The following PCDHA6 variants were observed in gnomAD, a reference collection of about 807,000 sequenced individuals.
The protein encoded by PCDHA6 is protocadherin alpha 6, also known as protocadherin alpha-6.
A neutral mutation model predicts 60.3 loss-of-function variants in PCDHA6; 55 were observed. The ratio of observed to expected loss-of-function variants is 0.91; its 90% CI spans 0.73 to 1.14. PCDHA6 has a LOEUF of 1.14. Among genes scored for constraint, PCDHA6 ranks in the 50% most tolerant of loss-of-function variants. The pLI is 0.00. For synonymous variants in PCDHA6, 652 were observed against 557.9 expected, an observed-to-expected ratio of 1.17 and a Z score of -2.38; for missense variants, 1,327 against 1,256.5, an observed-to-expected ratio of 1.06 and a Z score of -0.85.
chr5:141,002,356 C>G (rs2098075572), intron 3 of PCDHA6, among the ~76,000 whole-genome samples: 1 of 152,272 alleles, frequency 6.6e-6, no homozygotes, highest in Non-Finnish European at 1.5e-5. Flanking sequence ...CACCTCCACT[C>G]CTTTCAACTC....
intron 1 of PCDHA6, among the ~76,000 whole-genome samples, chr5:140,918,244 T>A (rs1554198493): frequency 6.6e-6 from 1 of 152,236 alleles, no homozygotes; most frequent in Non-Finnish European, 1.5e-5. Context: ...TGATTTTGTA[T>A]GCTGAAACTT....
Position 140,855,858 on chromosome 5 carries a change from G to A in PCDHA6, c.2394+25373G>A, listed in dbSNP as rs1203638572. 5 of 715,820 alleles carry A rather than the reference G, an allele frequency of 7.0e-6. 1 individual carries two copies. Among genetic ancestry groups the A allele is most frequent in the Non-Finnish European group, 1.1e-5 (5 of 445,056 alleles). The allele number at this position is 715,820 out of a possible 1,614,324, so 44.3% of individuals were successfully genotyped here. A position where few individuals can be genotyped will look rare whatever the true frequency, so the allele number is the denominator to read the frequency against. On this transcript the variant is annotated intron_variant, in intron 1 of 3. Coordinates refer to ENST00000529310, the MANE Select transcript of PCDHA6 (RefSeq NM_018909.4). ...CTTACACCTAAAGCCACCGGATGTC[G>A]CTGTCGTCCACAAAATAGCTTTTTA...
At chr5:140,853,228 T>C (rs2042677094) in intron 1 of PCDHA6, 2 of 982,222 alleles carry the variant, frequency 2.0e-6, no homozygotes, top group Non-Finnish European at 2.5e-6. Flanking sequence ...ATTGGTAATT[T>C]AGTCCTTCAT....
Position 140,829,641 on chromosome 5 carries a change from T to TGGAGCG in PCDHA6, c.1551_1552insGAGCGG (p.Val517_Tyr518insGluArg). On this transcript the variant is annotated inframe_insertion, in exon 1 of 4. Coordinates refer to ENST00000529310, the MANE Select transcript of PCDHA6 (RefSeq NM_018909.4). Reference sequence around the variant, plus strand: ...TCGGTGCACGCGGAGAGCGGCAAGGTGTACGCGCTGCAGCCGCTGGACCAC... The same window carrying TGGAGCG: ...TCGGTGCACGCGGAGAGCGGCAAGGTGGAGCGGTACGCGCTGCAGCCGCTGGACCAC... 6.2e-7 allele frequency: 1 copy of TGGAGCG among 1,612,096 alleles called. No individual in the cohort carries two copies. The highest frequency in any genetic ancestry group is 8.5e-7 in the Non-Finnish European group (1 of 1,179,754).
At position 140,978,952 on chromosome 5, in the gene PCDHA6, C is replaced by T. The variant is rs374951627; in HGVS notation, c.2398C>T (p.Arg800Ter). Residue 800 changes from arginine (R) to a stop codon, truncating the protein, a stop_gained, in exon 2 of 4, where the codon CGA (arginine) becomes TGA (stop). Coordinates refer to ENST00000529310, the MANE Select transcript of PCDHA6 (RefSeq NM_018909.4). LOFTEE classifies it high-confidence loss of function. ...DLNEDHDAKP[R>*]QPNPDWRYSA... ...AACTCTCTTTGTGATTTTGCAGCCA[C>T]GACAGCCCAACCCTGACTGGCGTTA... is the stretch of plus-strand genomic sequence containing the variant. 5.0e-6 allele frequency: 8 copies of T among 1,614,018 alleles called. No individual in the cohort carries two copies. The highest frequency in any genetic ancestry group is 2.2e-5 in the South Asian group (2 of 91,070).
chr5:140,875,516 TG>T, intron 1 of PCDHA6: 1 of 1,613,976 alleles, frequency 6.2e-7, no homozygotes, highest in Non-Finnish European at 8.5e-7. Context: ...CAGCGTCTGC[TG>T]CTCTCGCTTC....
chr5:140,862,992 C>T (rs781974665), intron 1 of PCDHA6: 29 of 548,250 alleles, frequency 5.3e-5, no homozygotes, highest in South Asian at 3.7e-4. Context: ...AAGGTGCGCA[C>T]GGTGGACTCC....
At chr5:140,899,423 G>A (rs2067323431) in intron 1 of PCDHA6, among the ~76,000 whole-genome samples, 1 of 152,134 alleles carries the variant, frequency 6.6e-6, no homozygotes. Context: ...TTTGTCAAAG[G>A]TCTTTTCTGC....
intron 3 of PCDHA6, among the ~76,000 whole-genome samples, chr5:140,992,217 C>T (rs1281643880): frequency 6.6e-6 from 1 of 152,088 alleles, no homozygotes; most frequent in Non-Finnish European, 1.5e-5. Flanking sequence ...AACTACTCTC[C>T]CTTCCTGGGA....
chr5:140,966,410 A>G lies in PCDHA6; in HGVS notation c.2395-12539A>G, dbSNP rs530944149. The G allele has an allele frequency of 1.9e-3, 807 of 419,248 alleles. 2 individuals carry two copies. Among genetic ancestry groups the G allele is most frequent in the South Asian group, 7.3e-3 (70 of 9,536 alleles). The allele number at this position is 419,248 out of a possible 1,614,324, so 26.0% of individuals were successfully genotyped here. The stretch of plus-strand genomic sequence containing the variant: ...GTCCGCCACTTCGGCGCGGAATCAG[A>G]GCAGGACTTGCTGAGCCCTCCTACC... On this transcript the variant is annotated intron_variant, in intron 1 of 3. Coordinates refer to ENST00000529310, the MANE Select transcript of PCDHA6 (RefSeq NM_018909.4).
At chr5:140,841,954 C>A (rs1282125752) in intron 1 of PCDHA6, 1 of 1,613,776 alleles carries the variant, frequency 6.2e-7, no homozygotes, top group Non-Finnish European at 8.5e-7. Context: ...ACCACTTATT[C>A]CTGACAGCCA....
chr5:140,834,303 G>A (rs797039275), intron 1 of PCDHA6: 4 of 1,308,316 alleles, frequency 3.1e-6, no homozygotes, highest in Admixed American at 2.2e-5. Context: ...CACACATCGA[G>A]ATTGAAATGA....
chr5:140,902,786 C>G (rs1450809375), intron 1 of PCDHA6, among the ~76,000 whole-genome samples: 1 of 151,906 alleles, frequency 6.6e-6, no homozygotes, highest in Non-Finnish European at 1.5e-5. Flanking sequence ...TAGCTTAGCT[C>G]TCACTTGTAT....
chr5:140,829,402 C>T lies in PCDHA6; in HGVS notation c.1311C>T (p.Ala437=). 1 of 1,614,150 alleles carries T rather than the reference C, an allele frequency of 6.2e-7. No homozygotes were observed. Among genetic ancestry groups the T allele is most frequent in the Non-Finnish European group, 8.5e-7 (1 of 1,180,048 alleles). The change falls in exon 1 of 4, where the codon GCC becomes GCT. Residue 437 remains alanine (A), a synonymous_variant. Transcript: ENST00000529310. ...ACGGGGGCTCGCCTTCGCTGTGGGC[C>T]ACCGCCAGCTTGTCTGTGGAGGTGG... ...ARDGGSPSLW[A]TASLSVEVAD... is the part of the protein sequence containing the mutation.
In PCDHA6 at chr5:140,979,026, A is replaced by AT. The variant is rs2096832382; in HGVS notation, c.2453+21dup. On this transcript the variant is annotated intron_variant, in intron 2 of 3. Coordinates refer to ENST00000529310, the MANE Select transcript of PCDHA6 (RefSeq NM_018909.4). ...TGCACAGGTATGTATTTCCCTCCTC[A>AT]TTCACTCAGAAGTAACCTTAACTTG... 1 of 1,613,372 alleles carries AT rather than the reference A, an allele frequency of 6.2e-7. No homozygotes were observed. The highest frequency in any genetic ancestry group is 1.3e-5 in the African/African-American group (1 of 74,882).
intron 1 of PCDHA6, chr5:140,871,553 G>T (rs1390415919): frequency 6.7e-7 from 1 of 1,491,208 alleles, no homozygotes; most frequent in East Asian, 2.5e-5. Context: ...TTAAAATCCA[G>T]TTTTTTTTCA....
chr5:140,880,848 T>C (rs557784006), intron 1 of PCDHA6, among the ~76,000 whole-genome samples: 31 of 152,258 alleles, frequency 2.0e-4, no homozygotes, highest in African/African-American at 7.0e-4. Flanking sequence ...TGGTTGACTA[T>C]GTAGTCTAAT....
At chr5:140,920,294 A>T (rs1554199563) in intron 1 of PCDHA6, among the ~76,000 whole-genome samples, 9 of 152,206 alleles carry the variant, frequency 5.9e-5, no homozygotes. Context: ...TTTTAGAGGC[A>T]CTAAGAGAAA....
At chr5:140,993,123 C>G (rs925185301) in intron 3 of PCDHA6, among the ~76,000 whole-genome samples, 1 of 152,180 alleles carries the variant, frequency 6.6e-6, no homozygotes, top group African/African-American at 2.4e-5. Context: ...ACATCAATTT[C>G]CTTCTGTTGC....
Sources: gnomAD v4.1 joint callset for allele counts (sites outside exome capture counted in the v4.1 genomes callset) on GRCh38, gnomAD v4.1.1 for gene constraint, MANE v1.5 for transcripts, NCBI Gene and HGNC (gene_info 2026-07-23, HGNC 2026-07-21) for gene names.